The following TMEM266 variants were observed in gnomAD, a reference collection of about 807,000 sequenced individuals.
TMEM266 encodes transmembrane protein 266.
Under a neutral mutation model 50.5 loss-of-function variants are expected in TMEM266, and 33 were observed. The ratio of observed to expected loss-of-function variants is 0.65; its 90% confidence interval spans 0.50 to 0.87. The LOEUF is 0.87. Ranked by LOEUF, TMEM266 falls within the 40% of genes least tolerant of loss-of-function variation. The pLI is 0.00. For synonymous variants in TMEM266, 310 were observed against 292.3 expected (o/e 1.06, Z -0.62); for missense variants, 655 against 695.1 (o/e 0.94, Z 0.65).
intron 1 of TMEM266, among the ~76,000 whole-genome samples, chr15:76,127,082 T>C (rs908280170): frequency 6.6e-6 from 1 of 152,178 alleles, no homozygotes; most frequent in South Asian, 2.1e-4. Flanking sequence ...TGCTTAAATT[T>C]GCTGAGAGGA....
intron 1 of TMEM266, among the ~76,000 whole-genome samples, chr15:76,107,188 T>C (rs1195234791): frequency 6.6e-6 from 1 of 152,222 alleles, no homozygotes; most frequent in African/African-American, 2.4e-5. Flanking sequence ...GTCCAGAGTA[T>C]TATTATTTCA....
At chr15:76,191,101 A>G (rs1235844139) in intron 8 of TMEM266, among the ~76,000 whole-genome samples, 3 of 152,232 alleles carry the variant, frequency 2.0e-5, no homozygotes, top group South Asian at 2.1e-4. Flanking sequence ...AGCTTTCCCC[A>G]ACAGAAAGTA....
chr15:76,202,073 C>CCCGT (rs1238604137), intron 9 of TMEM266, 129 bp from the exon 10 acceptor site: 14 of 734,622 alleles, frequency 1.9e-5, no homozygotes, highest in Non-Finnish European at 3.1e-5. Context: ...AGAGGCAGCT[C>CCCGT]CCGTCACACA....
intron 1 of TMEM266, among the ~76,000 whole-genome samples, chr15:76,105,245 CA>C (rs1202933801): frequency 1.3e-5 from 2 of 150,428 alleles, no homozygotes; most frequent in East Asian, 2.0e-4. Context: ...GACTCCATCT[CA>C]AAAAAAAAGT....
intron 8 of TMEM266, among the ~76,000 whole-genome samples, chr15:76,190,185 A>G (rs188800062): frequency 6.6e-6 from 1 of 152,366 alleles, no homozygotes; most frequent in African/African-American, 2.4e-5. Context: ...GGGTCAGGGA[A>G]GGCCCCTCTG....
Position 76,204,103 on chromosome 15 carries a change from C to G in TMEM266, c.1384C>G (p.Pro462Ala), listed in dbSNP as rs1262063774. Reference sequence around the variant, plus strand: ...TTCCCAGAAGGCCTTGGACCCAGCCCCCCTCGCCCGGCCCAGCCCAGCGGG... The same window carrying G: ...TTCCCAGAAGGCCTTGGACCCAGCCGCCCTCGCCCGGCCCAGCCCAGCGGG... Residue 462 changes from proline (P) to alanine (A), a missense_variant, in exon 11 of 11, where the codon CCC (proline) becomes GCC (alanine). Around this residue, in one of 3 missense-constraint regions of TMEM266, gnomAD observed 455 missense variants for 401.8 expected, o/e 1.13. Coordinates refer to ENST00000388942, the MANE Select transcript of TMEM266 (RefSeq NM_152335.3). The G allele has an allele frequency of 6.2e-7, 1 of 1,612,990 alleles. No individual in the cohort carries two copies. Among genetic ancestry groups the G allele is most frequent in the Non-Finnish European group, 8.5e-7 (1 of 1,179,664 alleles).
rs991632695 is a variant in TMEM266, at chr15:76,197,205, C to T, written c.959-4997C>T. 2.6e-5 allele frequency among the ~76,000 whole-genome samples: 4 copies of T among 152,210 alleles called. 1 individual carries two copies. The highest frequency in any genetic ancestry group is 2.6e-4 in the Admixed American group (4 of 15,284). On this transcript the variant is annotated intron_variant, in intron 9 of 10. Coordinates refer to ENST00000388942, the MANE Select transcript of TMEM266 (RefSeq NM_152335.3). ...TGAAGGCAAGGCTTTCCACTGGCCT[C>T]TAAATGTGTGGGCCTGACCGGGACA...
intron 1 of TMEM266, among the ~76,000 whole-genome samples, chr15:76,104,205 C>CAAAAA (rs55768096): frequency 0.2 from 29,214 of 146,630 alleles, 3,336 homozygotes; most frequent in Non-Finnish European, 0.27. Flanking sequence ...GATTCTGTCT[C>CAAAAA]AAAAAAAAAA....
intron 1 of TMEM266, among the ~76,000 whole-genome samples, chr15:76,092,199 G>A (rs939716727): frequency 5.3e-5 from 8 of 152,018 alleles, no homozygotes; most frequent in African/African-American, 1.7e-4. Flanking sequence ...CACACTACCT[G>A]ATTCTGCAGT....
intron 3 of TMEM266, among the ~76,000 whole-genome samples, chr15:76,138,635 CA>C (rs146327013): frequency 1.3e-5 from 2 of 152,342 alleles, no homozygotes; most frequent in East Asian, 3.9e-4. Context: ...CATGCAGGAA[CA>C]TGCTTAGGAT....
intron 1 of TMEM266, among the ~76,000 whole-genome samples, chr15:76,110,600 G>C (rs2037156764): frequency 6.6e-6 from 1 of 152,260 alleles, no homozygotes; most frequent in South Asian, 2.1e-4. Context: ...TGCCAAACAG[G>C]GTTGCCCAGT....
intron 7 of TMEM266, among the ~76,000 whole-genome samples, chr15:76,172,616 A>G (rs1481570569): frequency 6.6e-6 from 1 of 152,144 alleles, no homozygotes; most frequent in Non-Finnish European, 1.5e-5. Context: ...TCAAACTGGA[A>G]TGTGTTTGGG....
At chr15:76,154,422 C>G (rs576885291) in intron 3 of TMEM266, among the ~76,000 whole-genome samples, 1 of 152,054 alleles carries the variant, frequency 6.6e-6, no homozygotes, top group Non-Finnish European at 1.5e-5. Flanking sequence ...CAATGGACTT[C>G]GAAATCCACC....
At chr15:76,067,946 C>G (rs2036464259) in intron 1 of TMEM266, among the ~76,000 whole-genome samples, 1 of 152,204 alleles carries the variant, frequency 6.6e-6, no homozygotes, top group Non-Finnish European at 1.5e-5. Flanking sequence ...GAGCCTGCTT[C>G]TGACCATAAA....
intron 5 of TMEM266, among the ~76,000 whole-genome samples, chr15:76,167,484 A>AG (rs1378264092): frequency 2.7e-5 from 4 of 150,742 alleles, no homozygotes; most frequent in African/African-American, 9.7e-5. Context: ...AAAAAAAAAA[A>AG]GAAACCATAT....
At chr15:76,118,926 C>A (rs2037293206) in intron 1 of TMEM266, among the ~76,000 whole-genome samples, 1 of 152,310 alleles carries the variant, frequency 6.6e-6, no homozygotes, top group Middle Eastern at 3.4e-3. Flanking sequence ...CAACTCCTAG[C>A]TTAAAGCAGG....
chr15:76,104,908 C>T (rs746758595), intron 1 of TMEM266, among the ~76,000 whole-genome samples: 12 of 151,212 alleles, frequency 7.9e-5, no homozygotes, highest in Non-Finnish European at 1.5e-5. Context: ...TGTGTACTCA[C>T]CTATGCAATC....
At chr15:76,080,705 C>T in intron 1 of TMEM266, among the ~76,000 whole-genome samples, 1 of 152,056 alleles carries the variant, frequency 6.6e-6, no homozygotes, top group Non-Finnish European at 1.5e-5. Flanking sequence ...TCTCCTGGCC[C>T]AGGGCCCTCA....
intron 9 of TMEM266, among the ~76,000 whole-genome samples, chr15:76,194,801 A>G (rs1311420025): frequency 6.6e-6 from 1 of 152,176 alleles, no homozygotes; most frequent in Non-Finnish European, 1.5e-5. Flanking sequence ...GGCCCCAGTC[A>G]TATAAGGACC....
Sources: gnomAD v4.1 joint callset for allele counts (sites outside exome capture counted in the v4.1 genomes callset) on GRCh38, gnomAD v4.1.1 for gene constraint, gnomAD v4.1.1 regional missense constraint, MANE v1.5 for transcripts, NCBI Gene and HGNC (gene_info 2026-07-23, HGNC 2026-07-21) for gene names.